The following SUSD3 variants were observed in gnomAD, a reference collection of about 807,000 sequenced individuals.
SUSD3 encodes sushi domain containing 3, also known as sushi domain-containing protein 3.
Under a neutral mutation model 20.6 loss-of-function variants are expected in SUSD3, and 18 were observed. The observed-to-expected ratio is 0.87, with a 90% confidence interval of 0.60 to 1.30. The LOEUF (loss-of-function observed/expected upper bound fraction) is 1.30. Ranked by LOEUF, SUSD3 falls within the 50% of genes most tolerant of loss-of-function variation. The pLI is 0.00. For missense variants in SUSD3, 306 were observed against 346.9 expected, an observed-to-expected ratio of 0.88 and a Z score of 0.94; for synonymous variants, 137 against 141.5, an observed-to-expected ratio of 0.97 and a Z score of 0.23.
chr9:93,060,145 A>C (rs1336819362), intron 1 of SUSD3, among the ~76,000 whole-genome samples: 7 of 151,992 alleles, frequency 4.6e-5, no homozygotes, highest in Non-Finnish European at 1.0e-4. Context: ...TTTGCCTTGG[A>C]ATTTGTGCTG....
Position 93,077,918 on chromosome 9 carries a change from T to C in SUSD3, c.350T>C (p.Leu117Pro), listed in dbSNP as rs764535872. 9 of 1,614,246 alleles carry C rather than the reference T, an allele frequency of 5.6e-6. No individual in the cohort carries two copies. The Admixed American group carries it at 6.7e-5, about 12-fold the overall frequency. ...TCCATTGTGAGCTGTGCCATCATCC[T>C]GCTCATGTCCATGGCCTTCCTCACC... ...IASIVSCAIILLMSMAFLTCC... is the reference protein window; with the variant it reads ...IASIVSCAIIPLMSMAFLTCC... Residue 117 changes from leucine to proline, a missense_variant, in exon 3 of 5, where the codon CTG (leucine) becomes CCG (proline). By Grantham distance (98) the Leu-to-Pro change is moderately conservative. Transcript: ENST00000375472.
chr9:93,075,983 CT>C lies in SUSD3; in HGVS notation c.277+12del. On this transcript the variant is annotated intron_variant, in intron 2 of 4. Coordinates refer to ENST00000375472, the MANE Select transcript of SUSD3 (RefSeq NM_145006.4). ...CCCCAGTGTGCAAACGTAAGGACCC[CT>C]CTCTCAGCTCGGTGGCTCTGGGGGT... is the stretch of plus-strand genomic sequence containing the variant. 1.9e-6 allele frequency: 3 copies of C among 1,572,488 alleles called. No homozygotes were observed. Among genetic ancestry groups the C allele is most frequent in the Non-Finnish European group, 2.6e-6 (3 of 1,153,146 alleles).
At chr9:93,078,299 C>T (rs1054194408) in intron 3 of SUSD3, among the ~76,000 whole-genome samples, 24 of 152,158 alleles carry the variant, frequency 1.6e-4, no homozygotes, top group Admixed American at 3.9e-4. Context: ...CTCTGTCACC[C>T]AGGCGACAGA....
intron 1 of SUSD3, among the ~76,000 whole-genome samples, chr9:93,074,982 T>A (rs1826068895): frequency 6.6e-6 from 1 of 152,174 alleles, no homozygotes; most frequent in South Asian, 2.1e-4. Context: ...TACCAAATGC[T>A]CTGCAGAAAG....
At chr9:93,062,195 TG>T (rs1825534118) in intron 1 of SUSD3, among the ~76,000 whole-genome samples, 1 of 152,154 alleles carries the variant, frequency 6.6e-6, no homozygotes, top group Non-Finnish European at 1.5e-5. Flanking sequence ...GCGCGGCATG[TG>T]GGCTGAGGGC....
In SUSD3 at chr9:93,058,797, G is replaced by C; in HGVS notation, c.55G>C (p.Gly19Arg). The stretch of plus-strand genomic sequence containing the variant: ...CAAGGCGAGGCCCCGGGGGCGGGCC[G>C]GGGTCACCACGCCTGCCCCAGGGAA... ...RGKARPRGRA[G>R]VTTPAPGNRT... is the part of the protein sequence containing the mutation. Residue 19 changes from glycine (G) to arginine (R), a missense_variant, in exon 1 of 5, where the codon GGG becomes CGG. Gly to Arg is a moderately radical substitution (Grantham distance 125). Transcript: ENST00000375472. 1 of 1,246,678 alleles carries C rather than the reference G, an allele frequency of 8.0e-7. No homozygotes were observed. Among genetic ancestry groups the C allele is most frequent in the Non-Finnish European group, 1.0e-6 (1 of 995,252 alleles). 77.2% of individuals were successfully genotyped at this position (1,246,678 alleles called of 1,614,324 possible).
At chr9:93,079,121 G>A (rs142894286) in intron 3 of SUSD3, among the ~76,000 whole-genome samples, 10 of 152,246 alleles carry the variant, frequency 6.6e-5, no homozygotes, top group South Asian at 4.1e-4. Context: ...CCTTTTTAAC[G>A]TCTACAGTTC....
chr9:93,075,736 G>GTCCCC, intron 1 of SUSD3, 48 bp from the exon 2 acceptor site: 11 of 272,216 alleles, frequency 4.0e-5, no homozygotes, highest in South Asian at 8.7e-5. Flanking sequence ...TGCCCTGCGT[G>GTCCCC]CCCACCCCCC....
intron 1 of SUSD3, chr9:93,069,217 T>G (rs1344502441): frequency 2.9e-6 from 2 of 690,262 alleles, no homozygotes; most frequent in Non-Finnish European, 5.3e-6. Flanking sequence ...CCACCCCGCC[T>G]GGGATTGCTG....
Position 93,072,296 on chromosome 9 carries a change from G to A in SUSD3, c.89-3488G>A, listed in dbSNP as rs550239106. On this transcript the variant is annotated intron_variant, in intron 1 of 4. Coordinates refer to ENST00000375472, the MANE Select transcript of SUSD3 (RefSeq NM_145006.4). ...GGGCCACCCCTGCCTCTGCACTCTC[G>A]CCCTCAGCATCTCAGCTTGTTAAGG... 4.6e-5 allele frequency among the ~76,000 whole-genome samples: 7 copies of A among 152,280 alleles called. No individual in the cohort carries two copies. The South Asian group carries it at 1.5e-3, about 32-fold the overall frequency.
intron 4 of SUSD3, among the ~76,000 whole-genome samples, chr9:93,084,156 G>C (rs2119019033): frequency 6.6e-6 from 1 of 152,224 alleles, no homozygotes; most frequent in Middle Eastern, 3.4e-3. Context: ...TTGACCTCCT[G>C]CTCCCCAGCA....
chr9:93,084,443 C>A, intron 4 of SUSD3, 94 bp from the exon 5 acceptor site: 1 of 1,213,594 alleles, frequency 8.2e-7, no homozygotes, highest in Admixed American at 2.8e-5. Context: ...TTGCCCCAGG[C>A]CCACTGGAGG....
At chr9:93,073,851 T>A (rs1279406842) in intron 1 of SUSD3, among the ~76,000 whole-genome samples, 1 of 152,182 alleles carries the variant, frequency 6.6e-6, no homozygotes, top group Non-Finnish European at 1.5e-5. Flanking sequence ...TCTGTGTGTG[T>A]ATGAACGTGT....
chr9:93,063,978 G>A (rs1825605555), intron 1 of SUSD3, among the ~76,000 whole-genome samples: 1 of 152,082 alleles, frequency 6.6e-6, no homozygotes, highest in Admixed American at 6.5e-5. Context: ...TTAATTTGAC[G>A]GCGCATCCCG....
chr9:93,070,368 G>A (rs4422825), intron 1 of SUSD3, among the ~76,000 whole-genome samples: 8,073 of 152,252 alleles, frequency 0.053, 662 homozygotes, highest in African/African-American at 0.18. Flanking sequence ...GTTATTGTTA[G>A]TGGCTGTGCA....
At chr9:93,068,205 T>C (rs1186992340) in intron 1 of SUSD3, among the ~76,000 whole-genome samples, 1 of 152,244 alleles carries the variant, frequency 6.6e-6, no homozygotes, top group Non-Finnish European at 1.5e-5. Flanking sequence ...ACATTTTTCA[T>C]TTTGATGAAG....
intron 1 of SUSD3, among the ~76,000 whole-genome samples, chr9:93,063,961 T>C (rs550141185): frequency 6.6e-6 from 1 of 152,348 alleles, no homozygotes; most frequent in African/African-American, 2.4e-5. Context: ...TACTTTTATT[T>C]GAGTTTTTAA....
intron 1 of SUSD3, 103 bp from the exon 2 acceptor site, chr9:93,075,681 C>G (rs555501418): frequency 1.9e-5 from 16 of 832,576 alleles, no homozygotes; most frequent in Non-Finnish European, 2.5e-5. Context: ...CCCCTGTGCT[C>G]CCCAATGCTG....
chr9:93,058,849 T>G lies in SUSD3; in HGVS notation c.88+19T>G. 1 of 1,250,814 alleles carries G rather than the reference T, an allele frequency of 8.0e-7. No individual in the cohort carries two copies. The highest frequency in any genetic ancestry group is 1.0e-6 in the Non-Finnish European group (1 of 991,780). 77.5% of individuals were successfully genotyped at this position (1,250,814 alleles called of 1,614,324 possible). ...CGCACAGGTGAGGGCTGGGGCCGAGTGGCCGCGTGCGGGGCTCTGCGCCCA... is the reference window on the plus strand; with the variant it reads ...CGCACAGGTGAGGGCTGGGGCCGAGGGGCCGCGTGCGGGGCTCTGCGCCCA... On this transcript the variant is annotated intron_variant, in intron 1 of 4. Transcript: ENST00000375472.
Sources: gnomAD v4.1 joint callset for allele counts (sites outside exome capture counted in the v4.1 genomes callset) on GRCh38, gnomAD v4.1.1 for gene constraint, MANE v1.5 for transcripts, NCBI Gene and HGNC (gene_info 2026-07-23, HGNC 2026-07-21) for gene names.